MAD1L1: variants seen among roughly 807,000 people sequenced by gnomAD.
MAD1L1 encodes the protein mitotic arrest deficient 1 like 1.
In MAD1L1, 95 loss-of-function variants were observed where a neutral mutation model predicts 96.9. That is an observed-to-expected ratio of 0.98 (90% CI 0.83 to 1.16). The LOEUF (loss-of-function observed/expected upper bound fraction) is 1.16, where lower values mean the gene tolerates loss of function less well. MAD1L1 is among the 50% of genes most tolerant of loss of function. The pLI, the probability that MAD1L1 is intolerant of heterozygous loss-of-function variation, is 0.00. For synonymous variants in MAD1L1, 473 were observed against 396.6 expected (o/e 1.19, Z -2.29); for missense variants, 1,007 against 954.4 (o/e 1.06, Z -0.73).
chr7:1,884,702 G>A (rs1785902627), intron 18 of MAD1L1, among the ~76,000 whole-genome samples: 1 of 152,204 alleles, frequency 6.6e-6, no homozygotes, highest in African/African-American at 2.4e-5. Context: ...GAGAACCCCT[G>A]GTCCCACATG....
intron 12 of MAD1L1, among the ~76,000 whole-genome samples, chr7:2,049,074 A>G (rs1784056207): frequency 6.6e-6 from 1 of 152,266 alleles, no homozygotes; most frequent in African/African-American, 2.4e-5. Flanking sequence ...TTTGAACATT[A>G]CAATTTAAAA....
At chr7:1,863,733 G>C (rs1336834307) in intron 18 of MAD1L1, among the ~76,000 whole-genome samples, 1 of 152,190 alleles carries the variant, frequency 6.6e-6, no homozygotes, top group Admixed American at 6.5e-5. Context: ...TGCAGTCCCG[G>C]AACACCGTGG....
intron 18 of MAD1L1, chr7:1,849,071 C>CGG (rs1465940777): frequency 0.3 from 45,083 of 147,850 alleles, 7,083 homozygotes; most frequent in East Asian, 0.43. Context: ...CACACACACA[C>CGG]ACAAATGCAC....
chr7:1,887,965 G>A lies in MAD1L1; in HGVS notation c.1998+10235C>T, dbSNP rs573588406. Among the ~76,000 whole-genome samples the A allele has an allele frequency of 3.0e-4, 19 of 63,930 alleles. No homozygotes were observed. In the Admixed American group the frequency reaches 3.1e-3, roughly 11 times the overall value. 41.9% of individuals were successfully genotyped at this position (63,930 alleles called of 152,430 possible). A position where few individuals can be genotyped will look rare whatever the true frequency, so the allele number is the denominator to read the frequency against. ...TGTGTATGCACATGTGTATGTGGCT[G>A]CCTATGCATGTGTGTGTGCATGCAT... On this transcript the variant is annotated intron_variant, in intron 18 of 18. Coordinates refer to ENST00000265854, the MANE Select transcript of MAD1L1 (RefSeq NM_001013836.2).
intron 18 of MAD1L1, among the ~76,000 whole-genome samples, chr7:1,865,161 A>G (rs1316409553): frequency 6.6e-6 from 1 of 152,184 alleles, no homozygotes; most frequent in African/African-American, 2.4e-5. Context: ...AAGGGGGCAC[A>G]TGCGTGAGGC....
chr7:2,042,895 G>A lies in MAD1L1; in HGVS notation c.1218+26299C>T, dbSNP rs371156408. On this transcript the variant is annotated intron_variant, in intron 12 of 18. Transcript: ENST00000265854. The stretch of plus-strand genomic sequence containing the variant: ...CACGCACACACATGTCCACGTCCAC[G>A]TCCACGTCCACATCCACGTCCACGT... 1.0e-4 allele frequency among the ~76,000 whole-genome samples: 12 copies of A among 117,928 alleles called. No homozygotes were observed. In the South Asian group the frequency reaches 3.1e-3, roughly 30 times the overall value. The allele number at this position is 117,928 out of a possible 152,430, so 77.4% of individuals were successfully genotyped here.
At chr7:1,871,299 A>G (rs1373138288) in intron 18 of MAD1L1, among the ~76,000 whole-genome samples, 50 of 82,240 alleles carry the variant, frequency 6.1e-4, no homozygotes, top group Middle Eastern at 0.013. Context: ...CACCTGCCAC[A>G]CTGAACCCAA....
chr7:1,973,162 G>A (rs542320259), intron 15 of MAD1L1, among the ~76,000 whole-genome samples: 9 of 152,322 alleles, frequency 5.9e-5, no homozygotes, highest in East Asian at 3.9e-4. Flanking sequence ...TAGGTCCTGC[G>A]GGCTGATGAG....
chr7:2,203,993 A>T (rs562750525), intron 10 of MAD1L1, among the ~76,000 whole-genome samples: 1 of 152,338 alleles, frequency 6.6e-6, no homozygotes, highest in South Asian at 2.1e-4. Context: ...GCAGGAAAGG[A>T]AGAACACGTT....
intron 18 of MAD1L1, among the ~76,000 whole-genome samples, chr7:1,854,656 G>C (rs540509542): frequency 2.0e-5 from 3 of 152,236 alleles, no homozygotes; most frequent in Admixed American, 1.3e-4. Flanking sequence ...GTTTCCACGT[G>C]GGAACTGCGG....
intron 18 of MAD1L1, among the ~76,000 whole-genome samples, chr7:1,885,267 G>A (rs1213026061): frequency 1.3e-5 from 2 of 152,206 alleles, no homozygotes; most frequent in African/African-American, 4.8e-5. Context: ...AGAGCTCCAC[G>A]AAGGGCTGCC....
chr7:1,956,011 C>CGG (rs1302843895), intron 16 of MAD1L1, among the ~76,000 whole-genome samples: 1 of 151,442 alleles, frequency 6.6e-6, no homozygotes, highest in African/African-American at 2.4e-5. Flanking sequence ...CAGGGGGGAG[C>CGG]GGGAGGCCGA....
chr7:2,170,385 G>A (rs374324735), intron 10 of MAD1L1, among the ~76,000 whole-genome samples: 13 of 152,202 alleles, frequency 8.5e-5, no homozygotes, highest in Non-Finnish European at 1.6e-4. Context: ...GGAGTGGGCC[G>A]TAACAGGGAA....
At chr7:1,844,647 TG>T (rs1382086052) in intron 18 of MAD1L1, among the ~76,000 whole-genome samples, 1 of 151,996 alleles carries the variant, frequency 6.6e-6, no homozygotes. Context: ...CCCCCAAAGC[TG>T]GGGGGAGTCC....
At chr7:2,226,656 T>C (rs999536258) in intron 3 of MAD1L1, among the ~76,000 whole-genome samples, 1 of 152,164 alleles carries the variant, frequency 6.6e-6, no homozygotes, top group African/African-American at 2.4e-5. Context: ...ACTTAACAAA[T>C]GCAGAGTCGC....
intron 14 of MAD1L1, among the ~76,000 whole-genome samples, chr7:1,989,506 G>A (rs1781308142): frequency 6.6e-6 from 1 of 152,254 alleles, no homozygotes; most frequent in Non-Finnish European, 1.5e-5. Context: ...TCGGCGGCGG[G>A]AGCCGCCTCA....
At chr7:2,067,562 C>A (rs7807605) in intron 12 of MAD1L1, among the ~76,000 whole-genome samples, 12,439 of 152,226 alleles carry the variant, frequency 0.082, 1,642 homozygotes, top group African/African-American at 0.28. Context: ...GCGGCAGGGT[C>A]GGGCTGCACT....
chr7:1,822,575 GCAC>G (rs1049904426), intron 18 of MAD1L1, among the ~76,000 whole-genome samples: 84 of 151,524 alleles, frequency 5.5e-4, no homozygotes, highest in African/African-American at 2.0e-3. Flanking sequence ...CTACAGGTGC[GCAC>G]CACCACTCAT....
rs1780900998 is a variant in MAD1L1 at position 1,981,432 on chromosome 7, G to A, written c.1417-891C>T. ...TGGCGCAGGCTGAGGGGCTACGTAG[G>A]CACCAGCTCCAGGGCCCGGGGGTGC... On this transcript the variant is annotated intron_variant, in intron 14 of 18. Coordinates refer to ENST00000265854, the MANE Select transcript of MAD1L1 (RefSeq NM_001013836.2). 1.3e-5 allele frequency among the ~76,000 whole-genome samples: 2 copies of A among 152,122 alleles called. 1 individual carries two copies. The highest frequency in any genetic ancestry group is 4.1e-4 in the South Asian group (2 of 4,832).
Sources: gnomAD v4.1 joint callset for allele counts (sites outside exome capture counted in the v4.1 genomes callset) on GRCh38, gnomAD v4.1.1 for gene constraint, MANE v1.5 for transcripts, NCBI Gene and HGNC (gene_info 2026-07-23, HGNC 2026-07-21) for gene names.